The following GSDMC variants were observed in gnomAD, a reference collection of about 807,000 sequenced individuals.
GSDMC encodes the protein gasdermin C.
GSDMC carries 59 observed loss-of-function variants against 58.0 expected under a neutral mutation model. The ratio of observed to expected loss-of-function variants is 1.02; its 90% CI spans 0.82 to 1.26. GSDMC has a LOEUF of 1.26. Among genes scored for constraint, GSDMC ranks in the 50% most tolerant of loss-of-function variants. The probability of loss-of-function intolerance (pLI) is 0.00; values close to 1 mark genes in which losing one functional copy is unlikely to be tolerated. For synonymous variants in GSDMC, 241 were observed against 220.2 expected, an observed-to-expected ratio of 1.09 and a Z score of -0.83; for missense variants, 659 against 598.5, an observed-to-expected ratio of 1.10 and a Z score of -1.06.
chr8:129,724,664 C>T, the GSDMC span, among the ~76,000 whole-genome samples: 1 of 151,546 alleles, frequency 6.6e-6, no homozygotes, highest in African/African-American at 2.4e-5. Context: ...CACACAGAAA[C>T]AGAAGTAGAA....
the GSDMC span, among the ~76,000 whole-genome samples, chr8:129,717,865 G>A: frequency 1.3e-5 from 2 of 151,890 alleles, no homozygotes; most frequent in African/African-American, 4.8e-5. Flanking sequence ...CAGAAATAAC[G>A]GCACACATCT....
At chr8:129,761,421 C>T (rs1223833359) in intron 5 of GSDMC, among the ~76,000 whole-genome samples, 1 of 152,178 alleles carries the variant, frequency 6.6e-6, no homozygotes, top group Non-Finnish European at 1.5e-5. Flanking sequence ...GTCCTCACTT[C>T]CCCTCTTTGC....
At chr8:129,762,893 C>A (rs2033722344) in intron 4 of GSDMC, among the ~76,000 whole-genome samples, 162 bp from the exon 5 acceptor site, 1 of 152,192 alleles carries the variant, frequency 6.6e-6, no homozygotes, top group Non-Finnish European at 1.5e-5. Context: ...TTATTTCATC[C>A]TGTGCTCATC....
the GSDMC span, among the ~76,000 whole-genome samples, chr8:129,708,200 G>A: frequency 6.6e-6 from 1 of 152,194 alleles, no homozygotes; most frequent in Non-Finnish European, 1.5e-5. Context: ...ATGAGTCATG[G>A]ACAAGCTCAT....
chr8:129,707,911 A>T, the GSDMC span, among the ~76,000 whole-genome samples: 4 of 152,158 alleles, frequency 2.6e-5, no homozygotes, highest in Admixed American at 2.6e-4. Context: ...TTCTTTTCGC[A>T]CTCAGAGTAA....
the GSDMC span, among the ~76,000 whole-genome samples, chr8:129,725,991 G>C: frequency 6.6e-6 from 1 of 152,136 alleles, no homozygotes; most frequent in South Asian, 2.1e-4. Flanking sequence ...TGTTTTGAAA[G>C]ACTTTAATTG....
the GSDMC span, among the ~76,000 whole-genome samples, chr8:129,711,025 G>A: frequency 4.6e-5 from 7 of 152,272 alleles, no homozygotes; most frequent in South Asian, 1.4e-3. Context: ...GGAGGGGAAG[G>A]TCTAGGACGG....
At chr8:129,710,952 C>T in the GSDMC span, among the ~76,000 whole-genome samples, 3 of 152,190 alleles carry the variant, frequency 2.0e-5, no homozygotes, top group Non-Finnish European at 4.4e-5. Context: ...AACCATATCA[C>T]ATGCCCTAAT....
intron 3 of GSDMC, among the ~76,000 whole-genome samples, chr8:129,768,349 A>G (rs1358433058): frequency 6.6e-6 from 1 of 152,236 alleles, no homozygotes; most frequent in African/African-American, 2.4e-5. Flanking sequence ...AAAATGTTAT[A>G]CCAACAAAGG....
At chr8:129,755,451 G>C (rs1438439891) in intron 6 of GSDMC, among the ~76,000 whole-genome samples, 15 of 152,138 alleles carry the variant, frequency 9.9e-5, no homozygotes, top group Admixed American at 9.8e-4. Context: ...CACCAGACCT[G>C]TCTTATAAGA....
chr8:129,772,608 G>A (rs1278816475), intron 3 of GSDMC, among the ~76,000 whole-genome samples: 1 of 152,124 alleles, frequency 6.6e-6, no homozygotes, highest in African/African-American at 2.4e-5. Flanking sequence ...TCATTCACAA[G>A]TAAGGTGATT....
chr8:129,723,185 C>G, the GSDMC span, among the ~76,000 whole-genome samples: 1 of 152,178 alleles, frequency 6.6e-6, no homozygotes, highest in Non-Finnish European at 1.5e-5. Flanking sequence ...GACCTTGACA[C>G]TCACCCTCTG....
At chr8:129,749,885 C>T in intron 12 of GSDMC, 105 bp downstream of exon 12, 2 of 875,056 alleles carry the variant, frequency 2.3e-6, no homozygotes, top group Non-Finnish European at 3.5e-6. Context: ...GACGAAAGAT[C>T]ATGGCATTCA....
the GSDMC span, among the ~76,000 whole-genome samples, chr8:129,709,590 TGATAGATAGATA>T: frequency 1.2e-3 from 173 of 146,148 alleles, 2 homozygotes; most frequent in East Asian, 3.3e-3. Context: ...GATAGATAGA[TGATAGATAGATA>T]GATAGATAGA....
chr8:129,752,683 G>T lies in GSDMC; in HGVS notation c.844+15C>A. The T allele has an allele frequency of 3.1e-6, 5 of 1,613,838 alleles. No homozygotes were observed. The highest frequency in any genetic ancestry group is 4.2e-6 in the Non-Finnish European group (5 of 1,179,896). ...ATCAACATAGAAGTAAAAATAAAGTGAGCAATCACAGTACCTGGTTTTAAC... is the reference window on the plus strand; with the variant it reads ...ATCAACATAGAAGTAAAAATAAAGTTAGCAATCACAGTACCTGGTTTTAAC... On this transcript the variant is annotated intron_variant, in intron 7 of 13. Coordinates refer to ENST00000276708, the MANE Select transcript of GSDMC (RefSeq NM_031415.3).
chr8:129,758,654 C>A (rs561126484), intron 6 of GSDMC, among the ~76,000 whole-genome samples: 2 of 151,852 alleles, frequency 1.3e-5, no homozygotes, highest in Non-Finnish European at 2.9e-5. Flanking sequence ...ATTAACTTAA[C>A]CAAAGAAGTG....
chr8:129,745,961 C>G (rs1041313612), downstream of GSDMC, among the ~76,000 whole-genome samples: 3 of 151,618 alleles, frequency 2.0e-5, no homozygotes, highest in Non-Finnish European at 2.9e-5. Flanking sequence ...TGCAGAGGAA[C>G]AGAAACCATC....
At chr8:129,769,812 A>G (rs1005511949) in intron 3 of GSDMC, among the ~76,000 whole-genome samples, 1 of 152,230 alleles carries the variant, frequency 6.6e-6, no homozygotes, top group African/African-American at 2.4e-5. Flanking sequence ...GTTGTCCTTC[A>G]GAGATAAAAG....
intron 1 of GSDMC, among the ~76,000 whole-genome samples, chr8:129,783,530 A>T (rs2034474942): frequency 6.6e-6 from 1 of 152,198 alleles, no homozygotes. Context: ...GAATTAATTT[A>T]ACTGAAGAAG....
Sources: gnomAD v4.1 joint callset for allele counts (sites outside exome capture counted in the v4.1 genomes callset) on GRCh38, gnomAD v4.1.1 for gene constraint, MANE v1.5 for transcripts, NCBI Gene and HGNC (gene_info 2026-07-23, HGNC 2026-07-21) for gene names.